RABGAP1L: variants seen among roughly 807,000 people sequenced by gnomAD.
RABGAP1L encodes rab GTPase-activating protein 1-like.
Under a neutral mutation model 137.7 loss-of-function variants are expected in RABGAP1L, and 63 were observed. The ratio of observed to expected loss-of-function variants is 0.46; its 90% CI spans 0.37 to 0.56. The LOEUF (loss-of-function observed/expected upper bound fraction) is 0.56. Among genes scored for constraint, RABGAP1L ranks in the 20% least tolerant of loss-of-function variants. The pLI, the probability that RABGAP1L is intolerant of heterozygous loss-of-function variation, is 0.00. For missense variants in RABGAP1L, 1,095 were observed against 1,244.0 expected (o/e 0.88, Z 1.80); for synonymous variants, 431 against 433.7 (o/e 0.99, Z 0.08).
chr1:174,512,737 C>T (rs1292555591), intron 13 of RABGAP1L, among the ~76,000 whole-genome samples: 5 of 152,124 alleles, frequency 3.3e-5, no homozygotes. Context: ...TTGTATGCCT[C>T]ACTGGGTGCA....
At chr1:174,340,743 G>A (rs1681901262) in intron 11 of RABGAP1L, among the ~76,000 whole-genome samples, 2 of 152,146 alleles carry the variant, frequency 1.3e-5, no homozygotes, top group Non-Finnish European at 2.9e-5. Context: ...TACAGTGCAT[G>A]TATCTTTATA....
At chr1:174,220,860 A>T in intron 2 of RABGAP1L, 112 bp from the exon 3 acceptor site, 1 of 908,388 alleles carries the variant, frequency 1.1e-6, no homozygotes, top group Non-Finnish European at 1.5e-6. Context: ...TTTAGTAACT[A>T]TATTTAAATA....
At chr1:174,690,383 A>T (rs1557988116) in intron 15 of RABGAP1L, among the ~76,000 whole-genome samples, 1 of 152,116 alleles carries the variant, frequency 6.6e-6, no homozygotes, top group Non-Finnish European at 1.5e-5. Context: ...TACTTAATAG[A>T]CCTATAGTTA....
chr1:174,844,165 G>T (rs1341448264), intron 19 of RABGAP1L, among the ~76,000 whole-genome samples: 3 of 141,612 alleles, frequency 2.1e-5, no homozygotes, highest in East Asian at 2.1e-4. Context: ...TTTCTCCCAT[G>T]TTGTAGGTTG....
intron 19 of RABGAP1L, among the ~76,000 whole-genome samples, chr1:174,933,980 A>G (rs1320532852): frequency 6.6e-6 from 1 of 152,246 alleles, no homozygotes. Context: ...TCTTTTTGGT[A>G]TAGAAACATT....
intron 13 of RABGAP1L, among the ~76,000 whole-genome samples, chr1:174,501,903 C>T (rs1373574827): frequency 7.0e-6 from 1 of 142,540 alleles, no homozygotes; most frequent in Admixed American, 6.7e-5. Flanking sequence ...CTTAGGATAC[C>T]TGTTTTTTTT....
At chr1:174,714,847 G>A (rs1269629857) in intron 17 of RABGAP1L, among the ~76,000 whole-genome samples, 3 of 152,046 alleles carry the variant, frequency 2.0e-5, no homozygotes, top group Non-Finnish European at 2.9e-5. Context: ...AGATCTCTAA[G>A]TATTTCTAGT....
intron 19 of RABGAP1L, among the ~76,000 whole-genome samples, chr1:174,928,059 C>T (rs1436987669): frequency 6.6e-6 from 1 of 152,214 alleles, no homozygotes; most frequent in Non-Finnish European, 1.5e-5. Context: ...TTACTGTGCC[C>T]TATAAGGCCC....
At chr1:174,976,850 G>A (rs1436973459) in intron 22 of RABGAP1L, among the ~76,000 whole-genome samples, 2 of 152,224 alleles carry the variant, frequency 1.3e-5, no homozygotes, top group Non-Finnish European at 2.9e-5. Context: ...AGGAATTGGA[G>A]CTTTCCGCTT....
chr1:174,410,171 A>G (rs577423701), intron 13 of RABGAP1L, among the ~76,000 whole-genome samples: 4 of 152,270 alleles, frequency 2.6e-5, no homozygotes, highest in African/African-American at 9.6e-5. Context: ...CTGGAGGCCC[A>G]GTAAAATTCC....
rs536809661 is a variant in RABGAP1L, at chr1:174,427,435, C to G, written c.1710+33290C>G. On this transcript the variant is annotated intron_variant, in intron 13 of 25. Transcript: ENST00000681986. ...AAACAGCCTAATGTATTTATTCTTTCCTTTCCCAATTTCTGTCTCTTAAAA... is the reference window on the plus strand; with the variant it reads ...AAACAGCCTAATGTATTTATTCTTTGCTTTCCCAATTTCTGTCTCTTAAAA... 1.2e-4 allele frequency among the ~76,000 whole-genome samples: 18 copies of G among 152,152 alleles called. No homozygotes were observed. In the East Asian group the frequency reaches 3.5e-3, roughly 29 times the overall value.
chr1:174,221,202 G>A, intron 3 of RABGAP1L, 38 bp downstream of exon 3: 1 of 1,381,690 alleles, frequency 7.2e-7, no homozygotes, highest in Non-Finnish European at 9.6e-7. Flanking sequence ...TAAAGAAATG[G>A]GATAAAGTAA....
chr1:174,908,537 CTTTTTTT>C (rs774387616), intron 19 of RABGAP1L, among the ~76,000 whole-genome samples: 16 of 94,416 alleles, frequency 1.7e-4, no homozygotes, highest in African/African-American at 7.5e-4. Flanking sequence ...ACAACATATT[CTTTTTTT>C]TTTTTTTTTT....
chr1:174,942,057 A>G (rs1573934157), intron 19 of RABGAP1L, among the ~76,000 whole-genome samples: 1 of 152,210 alleles, frequency 6.6e-6, no homozygotes, highest in Admixed American at 6.5e-5. Flanking sequence ...TCATAGGGAC[A>G]CTGGGAGCCA....
At chr1:174,653,425 A>C (rs1208387983) in intron 14 of RABGAP1L, among the ~76,000 whole-genome samples, 1 of 152,172 alleles carries the variant, frequency 6.6e-6, no homozygotes, top group Non-Finnish European at 1.5e-5. Context: ...TGGTGTAGGC[A>C]TCCGAGGGAA....
intron 13 of RABGAP1L, among the ~76,000 whole-genome samples, chr1:174,478,258 A>G (rs919677165): frequency 6.7e-6 from 1 of 150,366 alleles, no homozygotes; most frequent in Non-Finnish European, 1.5e-5. Flanking sequence ...TGTTGTTGTT[A>G]TTTGTTTTTC....
chr1:174,887,286 G>T (rs1655327786), intron 19 of RABGAP1L, among the ~76,000 whole-genome samples: 1 of 152,154 alleles, frequency 6.6e-6, no homozygotes, highest in Non-Finnish European at 1.5e-5. Context: ...GATCACCATG[G>T]TTAGGTTAGC....
At chr1:174,972,670 C>T (rs1269600318) in intron 21 of RABGAP1L, among the ~76,000 whole-genome samples, 4 of 151,812 alleles carry the variant, frequency 2.6e-5, no homozygotes, top group Admixed American at 6.6e-5. Context: ...CTGGGGAACA[C>T]GGTGAAACCG....
chr1:174,337,198 A>G (rs1272804063), intron 11 of RABGAP1L, among the ~76,000 whole-genome samples: 2 of 152,018 alleles, frequency 1.3e-5, no homozygotes, highest in Non-Finnish European at 1.5e-5. Flanking sequence ...GACTGTAATC[A>G]GTTTTGTTTA....
Sources: gnomAD v4.1 joint callset for allele counts (sites outside exome capture counted in the v4.1 genomes callset) on GRCh38, gnomAD v4.1.1 for gene constraint, MANE v1.5 for transcripts, NCBI Gene and HGNC (gene_info 2026-07-23, HGNC 2026-07-21) for gene names.